The following SYT3 variants were observed in gnomAD, a reference collection of about 807,000 sequenced individuals.
SYT3 encodes the protein synaptotagmin 3.
A neutral mutation model predicts 50.6 loss-of-function variants in SYT3; 25 were observed. The observed-to-expected ratio is 0.49, with a 90% CI of 0.36 to 0.69. SYT3 has a LOEUF of 0.69. Among genes scored for constraint, SYT3 ranks in the 30% least tolerant of loss-of-function variants. SYT3 has a pLI of 0.00. For missense variants in SYT3, 589 were observed against 793.6 expected (o/e 0.74, Z 3.10); for synonymous variants, 323 against 353.9 (o/e 0.91, Z 0.98).
At position 50,637,041 on chromosome 19, in the gene SYT3, G is replaced by T; in HGVS notation, c.148+223C>A. Among the ~76,000 whole-genome samples the T allele has an allele frequency of 6.6e-6, 1 of 152,200 alleles. No homozygotes were observed. Among genetic ancestry groups the T allele is most frequent in the East Asian group, 1.9e-4 (1 of 5,190 alleles). On this transcript the variant is annotated intron_variant, in intron 3 of 10. Coordinates refer to ENST00000600079, the MANE Select transcript of SYT3 (RefSeq NM_001160329.2). This position sits in a 1 kb window ranked among gnomAD's most constrained non-coding sequence, Gnocchi z 4.9. ...AGATATCTGAAGGGGGCATTTGGTGGTGGTAGTCGGAGGGAGGCCCACAGG... is the reference window on the plus strand; with the variant it reads ...AGATATCTGAAGGGGGCATTTGGTGTTGGTAGTCGGAGGGAGGCCCACAGG...
the SYT3 span, among the ~76,000 whole-genome samples, chr19:50,647,277 G>T: frequency 1.3e-5 from 2 of 152,140 alleles, no homozygotes; most frequent in Non-Finnish European, 2.9e-5. Context: ...GCACTGGGGA[G>T]CCCTGGGAGG....
chr19:50,658,019 C>G, the SYT3 span: 5 of 1,535,434 alleles, frequency 3.3e-6, no homozygotes, highest in Non-Finnish European at 4.4e-6. Context: ...CCTGGAGGTG[C>G]TGCAAGCCCT....
chr19:50,642,528 T>C (rs1984698039), upstream of SYT3, among the ~76,000 whole-genome samples: 1 of 152,158 alleles, frequency 6.6e-6, no homozygotes, highest in Non-Finnish European at 1.5e-5. Context: ...GTGCAGATAA[T>C]AATACTTTAA....
intron 3 of SYT3, among the ~76,000 whole-genome samples, chr19:50,636,269 A>AT (rs35246287): frequency 0.13 from 19,180 of 152,178 alleles, 1,631 homozygotes; most frequent in African/African-American, 0.21. Context: ...AAAAACAAAC[A>AT]GACAGACAAA....
At chr19:50,645,235 G>A in the SYT3 span, among the ~76,000 whole-genome samples, 1 of 152,196 alleles carries the variant, frequency 6.6e-6, no homozygotes, top group Non-Finnish European at 1.5e-5. Context: ...GTTTTAGACT[G>A]GGCACCAGGC....
At position 50,630,080 on chromosome 19, in the gene SYT3, G is replaced by C; in HGVS notation, c.766C>G (p.Pro256Ala). 2.5e-6 allele frequency: 4 copies of C among 1,613,532 alleles called. No individual in the cohort carries two copies. In the East Asian group the frequency reaches 8.9e-5, roughly 36 times the overall value. Residue 256 changes from proline (P) to alanine (A), a missense_variant, in exon 5 of 11, where the codon CCC becomes GCC. By Grantham distance (27) the Pro-to-Ala change is conservative. Coordinates refer to ENST00000600079, the MANE Select transcript of SYT3 (RefSeq NM_001160329.2). Reference sequence around the variant, plus strand: ...GCTTTTTCCTCGCCTCCAGGCAGGGGTAAGGGCAGGGCAGGTGGCCGCTCC... The same window carrying C: ...GCTTTTTCCTCGCCTCCAGGCAGGGCTAAGGGCAGGGCAGGTGGCCGCTCC... ...SEERPPALPL[P>A]LPGGEEKAKL...
At chr19:50,626,069 C>T in intron 6 of SYT3, 52 bp from the exon 7 acceptor site, 2 of 1,592,300 alleles carry the variant, frequency 1.3e-6, no homozygotes, top group Non-Finnish European at 1.7e-6. Flanking sequence ...CTCTTCAACT[C>T]TCCCTGATTT....
upstream of SYT3, among the ~76,000 whole-genome samples, chr19:50,641,424 C>T (rs1984679503): frequency 6.6e-6 from 1 of 150,882 alleles, no homozygotes; most frequent in Admixed American, 6.6e-5. Context: ...CCGCCTCGGC[C>T]TCCCAAAGTG....
chr19:50,652,368 G>A, the SYT3 span, among the ~76,000 whole-genome samples: 2 of 152,148 alleles, frequency 1.3e-5, no homozygotes, highest in African/African-American at 2.4e-5. Context: ...ACGTTGCTCA[G>A]AAGACGTAGG....
chr19:50,635,190 G>A (rs538707831), intron 3 of SYT3, among the ~76,000 whole-genome samples: 1 of 151,926 alleles, frequency 6.6e-6, no homozygotes, highest in Non-Finnish European at 1.5e-5. Context: ...TTACAGGTGT[G>A]AGCCACCACA....
intron 4 of SYT3, among the ~76,000 whole-genome samples, chr19:50,630,899 A>T (rs745892738): frequency 6.6e-6 from 1 of 151,748 alleles, no homozygotes; most frequent in Non-Finnish European, 1.5e-5. Context: ...TCTCCTCTCT[A>T]TCCCCACTGT....
At chr19:50,629,254 G>A in intron 6 of SYT3, 40 bp downstream of exon 6, 1 of 1,522,370 alleles carries the variant, frequency 6.6e-7, no homozygotes, top group South Asian at 1.2e-5. Context: ...GGGGTCTCAG[G>A]GCCCTGGGAA....
Position 50,625,048 on chromosome 19 carries a change from A to G in SYT3, c.1707+114T>C, listed in dbSNP as rs1983992089. On this transcript the variant is annotated intron_variant, in intron 9 of 10. Coordinates refer to ENST00000600079, the MANE Select transcript of SYT3 (RefSeq NM_001160329.2). This position sits in a 1 kb window ranked among gnomAD's most constrained non-coding sequence, Gnocchi z 7.5. ...CTAAAGTTGGCACAGCAGGGATTGA[A>G]ACCTAGGACGCCTGGCTCTGCGACT... The G allele has an allele frequency of 8.3e-7, 1 of 1,202,714 alleles. No homozygotes were observed. Among genetic ancestry groups the G allele is most frequent in the African/African-American group, 1.5e-5 (1 of 65,060 alleles). The allele number at this position is 1,202,714 out of a possible 1,614,324, so 74.5% of individuals were successfully genotyped here.
rs554228484 is a variant in SYT3, at chr19:50,624,052, T to C, written c.1707+1110A>G. ...ATCATAGCTCACTGCAGTAACAAACTCCTGGGCTCAAGAGATCCTCCTGCC... is the reference window on the plus strand; with the variant it reads ...ATCATAGCTCACTGCAGTAACAAACCCCTGGGCTCAAGAGATCCTCCTGCC... On this transcript the variant is annotated intron_variant, in intron 9 of 10. Transcript: ENST00000600079. 3.4e-4 allele frequency among the ~76,000 whole-genome samples: 51 copies of C among 151,450 alleles called. No homozygotes were observed. The South Asian group carries it at 0.01, about 31-fold the overall frequency.
At chr19:50,654,599 G>A in the SYT3 span, among the ~76,000 whole-genome samples, 2 of 147,570 alleles carry the variant, frequency 1.4e-5, no homozygotes, top group South Asian at 2.1e-4. Flanking sequence ...ACCAGGCTCC[G>A]TCCCTCCCTC....
chr19:50,629,241 C>T (rs561552258), intron 6 of SYT3, 53 bp downstream of exon 6: 16 of 1,463,308 alleles, frequency 1.1e-5, no homozygotes, highest in African/African-American at 2.8e-5. Flanking sequence ...GCTTGCAACC[C>T]GGGGGGTCTC....
At chr19:50,633,081 A>C (rs1294381679) in intron 3 of SYT3, among the ~76,000 whole-genome samples, 1 of 152,162 alleles carries the variant, frequency 6.6e-6, no homozygotes, top group Non-Finnish European at 1.5e-5. Context: ...TCTTGGGCTC[A>C]AGCAATCCTC....
rs1340982048 is a variant in SYT3, at chr19:50,625,724, TC to T, written c.1403-161del. Among the ~76,000 whole-genome samples the T allele has an allele frequency of 6.9e-6, 1 of 145,618 alleles. No homozygotes were observed. The highest frequency in any genetic ancestry group is 2.6e-5 in the African/African-American group (1 of 38,630). ...GCCCAAGAGTCCAGACCCCAGGTCC[TC>T]CTCTCTCCGACCCAGGAGTCCAGGC... is the stretch of plus-strand genomic sequence containing the variant. On this transcript the variant is annotated intron_variant, in intron 7 of 10. Coordinates refer to ENST00000600079, the MANE Select transcript of SYT3 (RefSeq NM_001160329.2). This position sits in a 1 kb window ranked among gnomAD's most constrained non-coding sequence, Gnocchi z 7.5.
chr19:50,652,347 T>G, the SYT3 span, among the ~76,000 whole-genome samples: 1 of 152,146 alleles, frequency 6.6e-6, no homozygotes, highest in African/African-American at 2.4e-5. Context: ...AAAACACAAG[T>G]CCCTGCCCTT....
Sources: gnomAD v4.1 joint callset for allele counts (sites outside exome capture counted in the v4.1 genomes callset) on GRCh38, gnomAD v4.1.1 for gene constraint, Gnocchi (gnomAD v3.1) non-coding constraint, MANE v1.5 for transcripts, NCBI Gene and HGNC (gene_info 2026-07-23, HGNC 2026-07-21) for gene names.